Variants in SH3BGR observed in about 807,000 individuals in gnomAD.
The protein encoded by SH3BGR is SH3 domain binding glutamate rich protein.
A neutral mutation model predicts 24.5 loss-of-function variants in SH3BGR; 29 were observed. That is an observed-to-expected ratio of 1.18 (90% CI 0.88 to 1.61). The LOEUF (loss-of-function observed/expected upper bound fraction) is 1.61, where lower values mean the gene tolerates loss of function less well. SH3BGR is among the 40% of genes most tolerant of loss of function. SH3BGR has a pLI of 0.00. For synonymous variants in SH3BGR, 55 were observed against 65.7 expected, an observed-to-expected ratio of 0.84 and a Z score of 0.79; for missense variants, 162 against 205.8, an observed-to-expected ratio of 0.79 and a Z score of 1.30.
rs552855015 is a variant in SH3BGR, at chr21:39,459,690, C to T, written c.46-2685C>T. Among the ~76,000 whole-genome samples the T allele has an allele frequency of 9.1e-4, 139 of 152,158 alleles. 2 individuals carry two copies. The highest frequency in any genetic ancestry group is 8.5e-3 in the South Asian group (41 of 4,818). On this transcript the variant is annotated intron_variant, in intron 1 of 6. Transcript: ENST00000333634. Reference sequence around the variant, plus strand: ...TACAGGCATGCACCACCACACCTGTCTAATTTTTAAATTTTTTGTAGAGAT... The same window carrying T: ...TACAGGCATGCACCACCACACCTGTTTAATTTTTAAATTTTTTGTAGAGAT...
At chr21:39,457,120 T>C (rs1181969225) in intron 1 of SH3BGR, among the ~76,000 whole-genome samples, 1 of 147,286 alleles carries the variant, frequency 6.8e-6, no homozygotes, top group Non-Finnish European at 1.5e-5. Context: ...ATATACCATA[T>C]ATAATCAAAT....
upstream of SH3BGR, among the ~76,000 whole-genome samples, chr21:39,449,631 C>T (rs550647501): frequency 9.2e-5 from 14 of 152,098 alleles, no homozygotes; most frequent in Admixed American, 2.6e-4. Context: ...ATGGTCATTT[C>T]GAAAAGAATA....
At position 39,510,908 on chromosome 21, in the gene SH3BGR, A is replaced by AATATAT. The variant is rs1340963103; in HGVS notation, c.436-772_436-771insATATAT. Among the ~76,000 whole-genome samples the AATATAT allele has an allele frequency of 1.1e-3, 23 of 20,266 alleles. 1 individual carries two copies. Among genetic ancestry groups the AATATAT allele is most frequent in the South Asian group, 4.2e-3 (2 of 472 alleles). 13.3% of individuals were successfully genotyped at this position (20,266 alleles called of 152,430 possible). A position where few individuals can be genotyped will look rare whatever the true frequency, so the allele number is the denominator to read the frequency against. ...ATTCTTTTTGTATTTGATTCTTCTAACTATATATATATATATATATATATA... is the reference window on the plus strand; with the variant it reads ...ATTCTTTTTGTATTTGATTCTTCTAAATATATCTATATATATATATATATATATATA... On this transcript the variant is annotated intron_variant, in intron 5 of 6. Coordinates refer to ENST00000333634, the MANE Select transcript of SH3BGR (RefSeq NM_007341.3).
upstream of SH3BGR, among the ~76,000 whole-genome samples, chr21:39,449,381 A>G (rs540834875): frequency 3.9e-5 from 6 of 152,366 alleles, no homozygotes; most frequent in South Asian, 1.2e-3. Flanking sequence ...GTGAACAGAC[A>G]TAAACAGCAA....
At chr21:39,485,662 C>T (rs1435754382) in intron 3 of SH3BGR, among the ~76,000 whole-genome samples, 1 of 150,922 alleles carries the variant, frequency 6.6e-6, no homozygotes, top group Non-Finnish European at 1.5e-5. Context: ...ACTAAGTCCA[C>T]GGATATGGTC....
intron 3 of SH3BGR, among the ~76,000 whole-genome samples, chr21:39,480,071 C>T (rs375600785): frequency 6.6e-6 from 1 of 152,290 alleles, no homozygotes; most frequent in Admixed American, 6.5e-5. Flanking sequence ...CTATCATCCC[C>T]TGTTATTCCA....
At chr21:39,476,935 A>G (rs543089466) in intron 3 of SH3BGR, among the ~76,000 whole-genome samples, 204 of 152,336 alleles carry the variant, frequency 1.3e-3, no homozygotes, top group African/African-American at 4.7e-3. Flanking sequence ...AAGAGTCCCA[A>G]TAAACAGAAG....
intron 2 of SH3BGR, among the ~76,000 whole-genome samples, chr21:39,464,867 T>C (rs2077814850): frequency 6.6e-6 from 1 of 152,182 alleles, no homozygotes; most frequent in South Asian, 2.1e-4. Flanking sequence ...TGAGGAATTT[T>C]ATTTCTTATA....
intron 2 of SH3BGR, among the ~76,000 whole-genome samples, chr21:39,472,374 T>C (rs2178881): frequency 0.34 from 51,861 of 152,120 alleles, 10,920 homozygotes; most frequent in East Asian, 0.68. Context: ...AATCAGTTCA[T>C]GAGGGTGGTC....
intron 3 of SH3BGR, among the ~76,000 whole-genome samples, chr21:39,481,094 A>G (rs1457839703): frequency 2.0e-5 from 3 of 152,224 alleles, no homozygotes; most frequent in African/African-American, 7.2e-5. Context: ...ATATTGTATG[A>G]AATCTGCTTT....
In SH3BGR at chr21:39,489,138, C is replaced by T. The variant is rs182418004; in HGVS notation, c.313-10685C>T. ...AGTTTGCAAGTCAGATGCTAGAGAC[C>T]TGATATGTGCACGAGAGGAGTTCCA... On this transcript the variant is annotated intron_variant, in intron 3 of 6. Coordinates refer to ENST00000333634, the MANE Select transcript of SH3BGR (RefSeq NM_007341.3). Among the ~76,000 whole-genome samples the T allele has an allele frequency of 1.7e-3, 261 of 152,222 alleles. 1 individual carries two copies. The highest frequency in any genetic ancestry group is 6.1e-3 in the African/African-American group (254 of 41,542).
At chr21:39,446,843 A>C (rs1175946646) in intron 1 of SH3BGR, among the ~76,000 whole-genome samples, 1 of 152,052 alleles carries the variant, frequency 6.6e-6, no homozygotes, top group Admixed American at 6.5e-5. Flanking sequence ...AATTTTGTTT[A>C]CAGTGTATTT....
chr21:39,481,049 A>C (rs1185837224), intron 3 of SH3BGR, among the ~76,000 whole-genome samples: 3 of 152,212 alleles, frequency 2.0e-5, no homozygotes, highest in Non-Finnish European at 4.4e-5. Flanking sequence ...CAAGCAAGAC[A>C]TCTTTTTGTG....
chr21:39,504,477 G>A (rs932836759), intron 4 of SH3BGR, among the ~76,000 whole-genome samples: 2 of 152,168 alleles, frequency 1.3e-5, no homozygotes, highest in Non-Finnish European at 2.9e-5. Flanking sequence ...CCTGTCCTTA[G>A]TTCTGGCCAC....
intron 3 of SH3BGR, among the ~76,000 whole-genome samples, chr21:39,497,344 G>A (rs1474384): frequency 0.57 from 85,520 of 150,846 alleles, 24,519 homozygotes; most frequent in East Asian, 0.68. Flanking sequence ...AAATGTAGAC[G>A]TCGACTTTAC....
intron 2 of SH3BGR, among the ~76,000 whole-genome samples, chr21:39,465,719 T>C (rs1307794311): frequency 6.6e-6 from 1 of 152,120 alleles, no homozygotes; most frequent in Non-Finnish European, 1.5e-5. Context: ...GACTCCTCAG[T>C]AGCTGGGACT....
intron 5 of SH3BGR, among the ~76,000 whole-genome samples, chr21:39,510,083 C>T (rs1472067875): frequency 6.9e-6 from 1 of 145,574 alleles, no homozygotes; most frequent in Non-Finnish European, 1.5e-5. Flanking sequence ...GCTGGGACTA[C>T]AGGCGCCCGC....
chr21:39,469,608 A>T (rs1301293597), intron 2 of SH3BGR, among the ~76,000 whole-genome samples: 1 of 150,052 alleles, frequency 6.7e-6, no homozygotes, highest in Non-Finnish European at 1.5e-5. Flanking sequence ...TTCATTCCAT[A>T]TATTTTGATA....
At chr21:39,507,400 C>G (rs1225937719) in intron 4 of SH3BGR, among the ~76,000 whole-genome samples, 1 of 152,170 alleles carries the variant, frequency 6.6e-6, no homozygotes, top group Non-Finnish European at 1.5e-5. Context: ...GTGGCGCAAT[C>G]TTGACTCACC....
Sources: gnomAD v4.1 joint callset for allele counts (sites outside exome capture counted in the v4.1 genomes callset) on GRCh38, gnomAD v4.1.1 for gene constraint, MANE v1.5 for transcripts, NCBI Gene and HGNC (gene_info 2026-07-23, HGNC 2026-07-21) for gene names.